The following DUSP10 variants were observed in gnomAD, a reference collection of about 807,000 sequenced individuals.
The protein encoded by DUSP10 is dual specificity protein phosphatase 10.
In DUSP10, 14 loss-of-function variants were observed where a neutral mutation model predicts 30.8. That is an observed-to-expected ratio of 0.46 (90% CI 0.30 to 0.71). The LOEUF is 0.71. DUSP10 is among the 30% of genes least tolerant of loss of function. The pLI, the probability that DUSP10 is intolerant of heterozygous loss-of-function variation, is 0.08. For missense variants in DUSP10, 550 were observed against 619.4 expected (o/e 0.89, Z 1.19); for synonymous variants, 254 against 250.4 (o/e 1.01, Z -0.14).
intron 2 of DUSP10, among the ~76,000 whole-genome samples, chr1:221,722,232 T>C (rs1051302375): frequency 5.9e-5 from 9 of 152,226 alleles, no homozygotes; most frequent in Admixed American, 1.3e-4. Context: ...TAGCACGCTA[T>C]AACGCTCTTG....
At chr1:221,720,295 C>A (rs917660825) in intron 2 of DUSP10, among the ~76,000 whole-genome samples, 3 of 152,146 alleles carry the variant, frequency 2.0e-5, no homozygotes, top group African/African-American at 7.2e-5. Context: ...TCAGCCGCAT[C>A]CCCCAACCTC....
intron 2 of DUSP10, among the ~76,000 whole-genome samples, chr1:221,721,807 G>A (rs1349123819): frequency 1.3e-5 from 2 of 152,124 alleles, no homozygotes; most frequent in Admixed American, 6.5e-5. Flanking sequence ...GCAGCAGGAG[G>A]GGCCCTCAAT....
intron 2 of DUSP10, among the ~76,000 whole-genome samples, chr1:221,734,957 T>C (rs1420217105): frequency 6.6e-6 from 1 of 151,744 alleles, no homozygotes; most frequent in Non-Finnish European, 1.5e-5. Flanking sequence ...TTTTCACAGG[T>C]CTCTGATTTC....
At chr1:221,727,740 G>A (rs576014315) in intron 2 of DUSP10, among the ~76,000 whole-genome samples, 8 of 152,218 alleles carry the variant, frequency 5.3e-5, no homozygotes, top group Non-Finnish European at 2.9e-5. Flanking sequence ...TCTTAAAATT[G>A]ATTACTTTTA....
In DUSP10 at chr1:221,739,033, C is replaced by T. The variant is rs771542986; in HGVS notation, c.712G>A (p.Glu238Lys). ...ACTCGGCTTGGTTCATTGGTATTCT[C>T]ATCATAAACTATAATTTCTTTGGAA... ...IFSKEIIVYD[E>K]NTNEPSRVMP... Residue 238 changes from glutamate (E) to lysine (K), a missense_variant, in exon 2 of 4, where the codon GAG becomes AAG. By Grantham distance (56) the Glu-to-Lys change is moderately conservative (BLOSUM62 1). Transcript: ENST00000366899. 6.2e-7 allele frequency: 1 copy of T among 1,614,084 alleles called. No homozygotes were observed.
rs138782351 is a variant in DUSP10, at chr1:221,721,372, T to C, written c.812-14906A>G. On this transcript the variant is annotated intron_variant, in intron 2 of 3. Transcript: ENST00000366899. ...AATGAGGGAAAGGAGGAAGGAACTT[T>C]AGGGAAATTCAGTGACAGGACTGGA... 2.6e-5 allele frequency among the ~76,000 whole-genome samples: 4 copies of C among 152,298 alleles called. No individual in the cohort carries two copies. In the East Asian group the frequency reaches 7.7e-4, roughly 29 times the overall value.
In DUSP10 at chr1:221,706,107, A is replaced by C; in HGVS notation, c.1171T>G (p.Phe391Val). ...QNLRQYFEEA[F>V]EFIEEAHQCG... ...GGGAGATAGTTACCAATGAACTCAA[A>C]AGCCTCTTCAAAGTACTGCCGCAGG... Residue 391 changes from phenylalanine (F) to valine (V), a missense_variant, in exon 3 of 4, where the codon TTT becomes GTT. By Grantham distance (50) the Phe-to-Val change is conservative. Coordinates refer to ENST00000366899, the MANE Select transcript of DUSP10 (RefSeq NM_007207.6). The surrounding 1 kb of genome is among the most constrained non-coding windows in gnomAD (Gnocchi z 4.6). 6.2e-7 allele frequency: 1 copy of C among 1,613,266 alleles called. No individual in the cohort carries two copies. Among genetic ancestry groups the C allele is most frequent in the Non-Finnish European group, 8.5e-7 (1 of 1,179,438 alleles).
chr1:221,741,163 C>A (rs572143568), intron 1 of DUSP10, among the ~76,000 whole-genome samples: 54 of 152,358 alleles, frequency 3.5e-4, no homozygotes, highest in South Asian at 6.2e-4. Context: ...ACTCGGGTTT[C>A]TCTCACCCAC....
intron 2 of DUSP10, among the ~76,000 whole-genome samples, chr1:221,727,049 T>G (rs2102641628): frequency 6.6e-6 from 1 of 152,274 alleles, no homozygotes; most frequent in South Asian, 2.1e-4. Flanking sequence ...CCCCATTTTA[T>G]AGACAAGCAA....
intron 2 of DUSP10, among the ~76,000 whole-genome samples, chr1:221,718,433 T>G (rs1362061191): frequency 6.6e-6 from 1 of 152,004 alleles, no homozygotes; most frequent in East Asian, 1.9e-4. Context: ...TTAATACTGG[T>G]TAATCCATCA....
rs1057228381 is a variant in DUSP10, at chr1:221,702,297, T to C, written c.*115A>G. The C allele has an allele frequency of 2.9e-5, 36 of 1,237,088 alleles. No individual in the cohort carries two copies. Among genetic ancestry groups the C allele is most frequent in the Non-Finnish European group, 2.8e-5 (25 of 889,948 alleles). 76.6% of individuals were successfully genotyped at this position (1,237,088 alleles called of 1,614,324 possible). On this transcript the variant is annotated 3_prime_UTR_variant, in exon 4 of 4. Coordinates refer to ENST00000366899, the MANE Select transcript of DUSP10 (RefSeq NM_007207.6). This position sits in a 1 kb window ranked among gnomAD's most constrained non-coding sequence, Gnocchi z 4.5. ...AAGTGTTTAAACAAGTTTGTTTCCA[T>C]TCACAAACTTACTCCCAACTACAAA...
chr1:221,740,343 G>T (rs964921467), intron 1 of DUSP10, among the ~76,000 whole-genome samples: 1 of 152,200 alleles, frequency 6.6e-6, no homozygotes, highest in Non-Finnish European at 1.5e-5. Flanking sequence ...CCCCTTAAGT[G>T]AATCTCTTTA....
At chr1:221,711,423 G>A (rs1259344892) in intron 2 of DUSP10, among the ~76,000 whole-genome samples, 1 of 152,236 alleles carries the variant, frequency 6.6e-6, no homozygotes, top group Non-Finnish European at 1.5e-5. Flanking sequence ...TCAGCAAACA[G>A]AAGTAATGTC....
In DUSP10 at chr1:221,739,243, G is replaced by C. The variant is rs1325874697; in HGVS notation, c.502C>G (p.Pro168Ala). 1 of 1,614,078 alleles carries C rather than the reference G, an allele frequency of 6.2e-7. No homozygotes were observed. The highest frequency in any genetic ancestry group is 1.7e-5 in the Admixed American group (1 of 60,010). The change falls in exon 2 of 4, where the codon CCG (proline) becomes GCG (alanine). Residue 168 changes from proline to alanine, a missense_variant. Coordinates refer to ENST00000366899, the MANE Select transcript of DUSP10 (RefSeq NM_007207.6). The part of the protein sequence containing the change: ...KMTKCSKSHL[P>A]SQGPVIIDCR... ...TCAATGATGACAGGGCCCTGACTCG[G>C]CAGGTGACTCTTGCTGCATTTGGTC...
At chr1:221,722,858 T>G (rs1661315534) in intron 2 of DUSP10, among the ~76,000 whole-genome samples, 1 of 151,898 alleles carries the variant, frequency 6.6e-6, no homozygotes, top group Admixed American at 6.6e-5. Flanking sequence ...CCAAAATAAA[T>G]AAAACACATG....
chr1:221,707,370 G>A (rs1212343303), intron 2 of DUSP10, among the ~76,000 whole-genome samples: 1 of 152,170 alleles, frequency 6.6e-6, no homozygotes, highest in Non-Finnish European at 1.5e-5. Context: ...GAATGTGAGA[G>A]CAGCGCGGTT....
At chr1:221,708,396 G>C (rs1660830356) in intron 2 of DUSP10, among the ~76,000 whole-genome samples, 1 of 152,160 alleles carries the variant, frequency 6.6e-6, no homozygotes, top group South Asian at 2.1e-4. Context: ...AATGGACCCG[G>C]AGCTGGCTGT....
intron 2 of DUSP10, among the ~76,000 whole-genome samples, chr1:221,732,745 T>C (rs568820328): frequency 6.6e-6 from 1 of 152,188 alleles, no homozygotes. Flanking sequence ...CTTTGCTGCC[T>C]GTTAGAATCA....
chr1:221,731,604 T>C (rs889062218), intron 2 of DUSP10, among the ~76,000 whole-genome samples: 26 of 121,290 alleles, frequency 2.1e-4, no homozygotes, highest in East Asian at 6.7e-4. Flanking sequence ...CTATTTCTTT[T>C]TTTTTTTTTT....
Sources: allele counts gnomAD v4.1 joint callset (sites outside exome capture counted in the v4.1 genomes callset), GRCh38; gene constraint gnomAD v4.1.1; non-coding constraint Gnocchi (gnomAD v3.1); transcripts MANE v1.5; gene names NCBI Gene and HGNC (gene_info 2026-07-23, HGNC 2026-07-21).